Variants in CEP15 observed in about 807,000 individuals in gnomAD.
CEP15 encodes centrosomal protein 15 kDa.
chr3:62,333,400 T>A, the CEP15 span: 2 of 1,605,830 alleles, frequency 1.2e-6, no homozygotes, highest in Non-Finnish European at 1.7e-6. This position sits in a 1 kb window ranked among gnomAD's most constrained non-coding sequence, Gnocchi z 4.0. Context: ...CTTCTTCACA[T>A]GCTATTTCAA....
At chr3:62,322,557 C>T in the CEP15 span, 2 of 154,554 alleles carry the variant, frequency 1.3e-5, no homozygotes, top group African/African-American at 4.8e-5. This position sits in a 1 kb window ranked among gnomAD's most constrained non-coding sequence, Gnocchi z 5.5. Flanking sequence ...GAGGAGTGGT[C>T]AAAGTGTATG....
chr3:62,322,845 T>C, the CEP15 span, among the ~76,000 whole-genome samples: 1 of 152,212 alleles, frequency 6.6e-6, no homozygotes, highest in African/African-American at 2.4e-5. The surrounding 1 kb of genome is among the most constrained non-coding windows in gnomAD (Gnocchi z 5.5). Flanking sequence ...CTGTCCTCAC[T>C]AGAGGATAAA....
At chr3:62,331,298 A>G in the CEP15 span, 13 of 1,603,962 alleles carry the variant, frequency 8.1e-6, no homozygotes, top group Non-Finnish European at 1.1e-5. Flanking sequence ...AATCCACTTT[A>G]ATATAAAATG....
the CEP15 span, chr3:62,331,462 C>A: frequency 7.9e-7 from 1 of 1,273,262 alleles, no homozygotes. Flanking sequence ...TAGTGCACTA[C>A]AAGTTAAACA....
At chr3:62,319,474 C>A in the CEP15 span, 2 of 152,046 alleles carry the variant, frequency 1.3e-5, no homozygotes, top group Admixed American at 6.6e-5. Flanking sequence ...TTGCTGTCCG[C>A]GGTGCTGAAG....
At chr3:62,320,512 G>T in the CEP15 span, 2 of 1,611,274 alleles carry the variant, frequency 1.2e-6, no homozygotes, top group Admixed American at 1.7e-5. Flanking sequence ...CTTTCTAAAA[G>T]ACATGAAGAA....
chr3:62,320,724 C>A, the CEP15 span, among the ~76,000 whole-genome samples: 1 of 152,154 alleles, frequency 6.6e-6, no homozygotes, highest in Non-Finnish European at 1.5e-5. Context: ...TATTTTTACT[C>A]TTTGTAAGTA....
chr3:62,322,270 G>GT, the CEP15 span: 1 of 439,848 alleles, frequency 2.3e-6, no homozygotes, highest in East Asian at 4.6e-5. This position sits in a 1 kb window ranked among gnomAD's most constrained non-coding sequence, Gnocchi z 5.5. Context: ...TAAGCTAAAT[G>GT]TTTGCAATCA....
the CEP15 span, among the ~76,000 whole-genome samples, chr3:62,328,234 A>G: frequency 6.6e-6 from 1 of 152,230 alleles, no homozygotes; most frequent in Non-Finnish European, 1.5e-5. Flanking sequence ...TTAAATTAAA[A>G]TCGCTGATCT....
the CEP15 span, among the ~76,000 whole-genome samples, chr3:62,325,851 C>G: frequency 3.7e-3 from 558 of 152,088 alleles, 4 homozygotes; most frequent in African/African-American, 0.013. Flanking sequence ...TGGTGAAACC[C>G]CGTCTCTACT....
chr3:62,333,244 T>G, the CEP15 span: 2 of 1,605,964 alleles, frequency 1.2e-6, no homozygotes, highest in Middle Eastern at 1.7e-4. The surrounding 1 kb of genome is among the most constrained non-coding windows in gnomAD (Gnocchi z 4.0). Context: ...CTTTTGGATT[T>G]TTTTTTCCAG....
chr3:62,331,790 A>C, the CEP15 span, among the ~76,000 whole-genome samples: 1 of 152,154 alleles, frequency 6.6e-6, no homozygotes, highest in African/African-American at 2.4e-5. Flanking sequence ...AAATTTAACC[A>C]TAGCTAATTA....
At chr3:62,327,668 T>C in the CEP15 span, among the ~76,000 whole-genome samples, 4 of 152,242 alleles carry the variant, frequency 2.6e-5, no homozygotes, top group Non-Finnish European at 5.9e-5. Context: ...TTTCAATAGC[T>C]TGTAACTTAT....
the CEP15 span, chr3:62,333,477 A>G: frequency 7.1e-7 from 1 of 1,404,090 alleles, no homozygotes; most frequent in South Asian, 1.3e-5. The surrounding 1 kb of genome is among the most constrained non-coding windows in gnomAD (Gnocchi z 4.0). Context: ...TAGGAATTAA[A>G]TATGTTCATA....
the CEP15 span, chr3:62,335,929 AAAATT>A: frequency 6.6e-6 from 1 of 152,166 alleles, no homozygotes; most frequent in African/African-American, 2.4e-5. Context: ...AACTTGAAAA[AAAATT>A]AAGAAGTATT....
chr3:62,320,380 A>G, the CEP15 span: 1 of 934,574 alleles, frequency 1.1e-6, no homozygotes, highest in Non-Finnish European at 1.6e-6. Context: ...CAATGGATTA[A>G]GGTACTAAAA....
chr3:62,320,615 C>A, the CEP15 span: 1 of 918,962 alleles, frequency 1.1e-6, no homozygotes, highest in Non-Finnish European at 1.7e-6. Flanking sequence ...TAAAAATTTG[C>A]AAGCATGTCA....
chr3:62,333,169 C>G, the CEP15 span: 4 of 1,335,816 alleles, frequency 3.0e-6, no homozygotes, highest in Non-Finnish European at 2.1e-6. This position sits in a 1 kb window ranked among gnomAD's most constrained non-coding sequence, Gnocchi z 4.0. Flanking sequence ...CATACACACT[C>G]TTAAGTGAAT....
At chr3:62,326,513 C>A in the CEP15 span, among the ~76,000 whole-genome samples, 1 of 152,130 alleles carries the variant, frequency 6.6e-6, no homozygotes, top group Admixed American at 6.5e-5. Context: ...AAAGAGATCT[C>A]AGCATGTGAC....
Sources: gnomAD v4.1 joint callset for allele counts (sites outside exome capture counted in the v4.1 genomes callset) on GRCh38, gnomAD v4.1.1 for gene constraint, Gnocchi (gnomAD v3.1) non-coding constraint, MANE v1.5 for transcripts, NCBI Gene and HGNC (gene_info 2026-07-23, HGNC 2026-07-21) for gene names.